RBMS3: variants seen among roughly 807,000 people sequenced by gnomAD.
The protein encoded by RBMS3 is RNA-binding motif, single-stranded-interacting protein 3.
In RBMS3, 27 loss-of-function variants were observed where a neutral mutation model predicts 66.8. The observed-to-expected ratio is 0.40, with a 90% CI of 0.30 to 0.56. The LOEUF is 0.56. Among genes scored for constraint, RBMS3 ranks in the 20% least tolerant of loss-of-function variants. The pLI is 0.40. For missense variants in RBMS3, 513 were observed against 549.5 expected (o/e 0.93, Z 0.66); for synonymous variants, 188 against 183.0 (o/e 1.03, Z -0.22).
intron 4 of RBMS3, among the ~76,000 whole-genome samples, chr3:29,701,234 G>T (rs533745179): frequency 6.6e-6 from 1 of 151,640 alleles, no homozygotes. Context: ...CTGAGATCGC[G>T]CCATTGCACT....
rs139878595 is a variant in RBMS3, at chr3:29,911,764, A to C, written c.939+12009A>C. ...AAGTAAGATGATAGAGATTCTAAGA[A>C]AAAATACCAGAACTTATATGTCTAC... On this transcript the variant is annotated intron_variant, in intron 10 of 14. Transcript: ENST00000383767. Among the ~76,000 whole-genome samples the C allele has an allele frequency of 3.9e-4, 59 of 152,150 alleles. No homozygotes were observed. The East Asian group carries it at 0.011, about 28-fold the overall frequency.
chr3:29,288,834 G>A (rs924997101), intron 1 of RBMS3, among the ~76,000 whole-genome samples: 4 of 151,852 alleles, frequency 2.6e-5, no homozygotes, highest in South Asian at 2.1e-4. Flanking sequence ...TGAATACTGT[G>A]GTTACCTCAG....
At chr3:29,942,937 G>A (rs184621343) in intron 11 of RBMS3, among the ~76,000 whole-genome samples, 1 of 151,198 alleles carries the variant, frequency 6.6e-6, no homozygotes, top group East Asian at 2.0e-4. Flanking sequence ...CTAGATTTGG[G>A]GATTATAATC....
chr3:29,801,681 T>TCTGCCATAA lies in RBMS3; in HGVS notation c.637+38692_637+38693insCTGCCATAA, dbSNP rs1297993078. On this transcript the variant is annotated intron_variant, in intron 6 of 14. Transcript: ENST00000383767. ...CTCTGCCATAAAAGGAAAAACATTC[T>TCTGCCATAA]AAGGCAAATTCCTTCTCACTGTATT... Among the ~76,000 whole-genome samples the TCTGCCATAA allele has an allele frequency of 6.6e-5, 10 of 152,328 alleles. No individual in the cohort carries two copies. The East Asian group carries it at 1.7e-3, about 26-fold the overall frequency.
chr3:29,404,169 G>A (rs181278789), intron 1 of RBMS3, among the ~76,000 whole-genome samples: 94 of 152,214 alleles, frequency 6.2e-4, no homozygotes, highest in African/African-American at 2.2e-3. Context: ...TATCAAACCA[G>A]CATAAAAGTT....
intron 2 of RBMS3, among the ~76,000 whole-genome samples, chr3:29,461,451 T>G (rs1485867545): frequency 6.6e-6 from 1 of 152,210 alleles, no homozygotes; most frequent in African/African-American, 2.4e-5. Flanking sequence ...AAAAACAAAG[T>G]GCCAATTTTG....
intron 4 of RBMS3, among the ~76,000 whole-genome samples, chr3:29,655,657 A>T (rs2149219841): frequency 6.6e-6 from 1 of 152,300 alleles, no homozygotes; most frequent in African/African-American, 2.4e-5. Flanking sequence ...GATAATAAAG[A>T]TTATGTTATT....
intron 3 of RBMS3, among the ~76,000 whole-genome samples, chr3:29,510,154 G>A (rs750814599): frequency 3.5e-4 from 53 of 152,166 alleles, no homozygotes; most frequent in Non-Finnish European, 6.5e-4. Context: ...ACATTTGGCT[G>A]CTTCAAACCT....
At chr3:29,677,377 G>A (rs2051300935) in intron 4 of RBMS3, among the ~76,000 whole-genome samples, 1 of 152,040 alleles carries the variant, frequency 6.6e-6, no homozygotes, top group South Asian at 2.1e-4. Flanking sequence ...TTTTTTCTCT[G>A]TTCTTGAAAT....
At chr3:29,875,972 A>T (rs1279540593) in intron 7 of RBMS3, among the ~76,000 whole-genome samples, 1 of 152,224 alleles carries the variant, frequency 6.6e-6, no homozygotes, top group Non-Finnish European at 1.5e-5. Context: ...AACAATATTA[A>T]GACCCCTTTG....
chr3:29,821,601 G>A (rs553128514), intron 6 of RBMS3, among the ~76,000 whole-genome samples: 55 of 152,288 alleles, frequency 3.6e-4, no homozygotes, highest in African/African-American at 1.2e-3. Context: ...AACTACCTGT[G>A]AGGAACTACA....
intron 10 of RBMS3, among the ~76,000 whole-genome samples, chr3:29,904,933 G>C (rs2060339932): frequency 6.6e-6 from 1 of 151,938 alleles, no homozygotes; most frequent in African/African-American, 2.4e-5. Flanking sequence ...CAGTTAGTAA[G>C]TTTATAGTGT....
chr3:29,421,435 T>A (rs1276429959), intron 1 of RBMS3, among the ~76,000 whole-genome samples: 1 of 152,170 alleles, frequency 6.6e-6, no homozygotes, highest in African/African-American at 2.4e-5. Context: ...TTATTTTTAG[T>A]GTTAGGAGCC....
At chr3:29,398,702 G>A (rs972965305) in intron 1 of RBMS3, among the ~76,000 whole-genome samples, 1 of 152,114 alleles carries the variant, frequency 6.6e-6, no homozygotes, top group African/African-American at 2.4e-5. Context: ...GTGAAATAGT[G>A]TTCTTAGTGC....
At chr3:29,701,146 G>A (rs544781394) in intron 4 of RBMS3, among the ~76,000 whole-genome samples, 24 of 152,096 alleles carry the variant, frequency 1.6e-4, no homozygotes, top group Admixed American at 4.6e-4. Flanking sequence ...ACGTGGTGGC[G>A]GGCTCCTGTA....
chr3:29,730,813 G>C, intron 4 of RBMS3: 3 of 922,358 alleles, frequency 3.3e-6, no homozygotes, highest in Non-Finnish European at 3.9e-6. Context: ...ATATATTTGT[G>C]ATATGGTAAT....
intron 4 of RBMS3, among the ~76,000 whole-genome samples, chr3:29,739,176 G>A (rs2054510708): frequency 6.6e-6 from 1 of 152,114 alleles, no homozygotes; most frequent in Non-Finnish European, 1.5e-5. Context: ...TTGGTCGGCC[G>A]GACGTGATGG....
At chr3:29,546,868 T>C (rs2045972324) in intron 3 of RBMS3, among the ~76,000 whole-genome samples, 1 of 152,192 alleles carries the variant, frequency 6.6e-6, no homozygotes, top group South Asian at 2.1e-4. Context: ...ATAACACCTG[T>C]AGACATGGAA....
chr3:29,530,030 AT>A (rs1314456125), intron 3 of RBMS3, among the ~76,000 whole-genome samples: 1 of 152,120 alleles, frequency 6.6e-6, no homozygotes, highest in African/African-American at 2.4e-5. Flanking sequence ...ATTCCAATAT[AT>A]TTCATTGTCC....
Sources: gnomAD v4.1 joint callset for allele counts (sites outside exome capture counted in the v4.1 genomes callset) on GRCh38, gnomAD v4.1.1 for gene constraint, MANE v1.5 for transcripts, NCBI Gene and HGNC (gene_info 2026-07-23, HGNC 2026-07-21) for gene names.